The following CAMTA1 variants were observed in gnomAD, a reference collection of about 807,000 sequenced individuals.
The protein encoded by CAMTA1 is calmodulin-binding transcription activator 1.
A neutral mutation model predicts 170.9 loss-of-function variants in CAMTA1; 27 were observed. The ratio of observed to expected loss-of-function variants is 0.16; its 90% CI spans 0.12 to 0.22. The LOEUF is 0.22. Ranked by LOEUF, CAMTA1 falls within the 10% of genes least tolerant of loss-of-function variation. The pLI is 1.00. For missense variants in CAMTA1, 1,619 were observed against 2,217.2 expected (o/e 0.73, Z 5.42); for synonymous variants, 833 against 891.5 (o/e 0.93, Z 1.17).
chr1:6,890,716 G>T (rs184825313), intron 3 of CAMTA1, among the ~76,000 whole-genome samples: 2 of 152,172 alleles, frequency 1.3e-5, no homozygotes, highest in African/African-American at 4.8e-5. Flanking sequence ...GACCACAGGT[G>T]GGGGCCACCA....
intron 6 of CAMTA1, among the ~76,000 whole-genome samples, chr1:7,488,761 C>T (rs573929269): frequency 2.0e-5 from 3 of 152,254 alleles, no homozygotes; most frequent in African/African-American, 4.8e-5. Flanking sequence ...CATACATGTA[C>T]ATATGCACAT....
At chr1:6,983,472 C>T (rs1201939586) in intron 3 of CAMTA1, among the ~76,000 whole-genome samples, 1 of 152,202 alleles carries the variant, frequency 6.6e-6, no homozygotes, top group African/African-American at 2.4e-5. Context: ...ACAGGCACCC[C>T]TGTCATAATC....
At chr1:6,813,704 C>G (rs998950939) in intron 1 of CAMTA1, among the ~76,000 whole-genome samples, 1 of 152,008 alleles carries the variant, frequency 6.6e-6, no homozygotes, top group Non-Finnish European at 1.5e-5. Flanking sequence ...TCACTGCAGC[C>G]TTGAACTCCT....
intron 6 of CAMTA1, among the ~76,000 whole-genome samples, chr1:7,507,018 C>T (rs1004927455): frequency 1.3e-5 from 2 of 149,634 alleles, no homozygotes; most frequent in Non-Finnish European, 2.9e-5. Context: ...ATCTCATGCT[C>T]ACACTCAAAA....
chr1:7,000,620 A>G (rs1284140419), intron 3 of CAMTA1, among the ~76,000 whole-genome samples: 2 of 152,154 alleles, frequency 1.3e-5, no homozygotes, highest in Non-Finnish European at 2.9e-5. Context: ...TGGAAGTCCA[A>G]GGTTCTGCAT....
intron 11 of CAMTA1, among the ~76,000 whole-genome samples, chr1:7,727,882 A>G (rs2096702740): frequency 6.6e-6 from 1 of 152,240 alleles, no homozygotes; most frequent in Non-Finnish European, 1.5e-5. Context: ...AGGAAAGGAC[A>G]TGTGAGGAGA....
At chr1:7,310,700 C>CTTTCTTTCTTTCTTTCTT (rs1553129600) in intron 5 of CAMTA1, among the ~76,000 whole-genome samples, 12 of 53,486 alleles carry the variant, frequency 2.2e-4, no homozygotes, top group Admixed American at 1.8e-3. Flanking sequence ...CTCTCTCTCT[C>CTTTCTTTCTTTCTTTCTT]TCTTTCTTTC....
intron 3 of CAMTA1, among the ~76,000 whole-genome samples, chr1:6,839,304 C>T (rs1385769004): frequency 6.6e-6 from 1 of 151,968 alleles, no homozygotes; most frequent in Non-Finnish European, 1.5e-5. Context: ...ATCACTTGAA[C>T]CCGGGAGGCA....
At chr1:7,587,808 C>A (rs995887782) in intron 6 of CAMTA1, among the ~76,000 whole-genome samples, 2 of 152,060 alleles carry the variant, frequency 1.3e-5, no homozygotes, top group African/African-American at 2.4e-5. Context: ...CTGGAGGCAC[C>A]CCTTCCCCAT....
At chr1:7,486,413 C>G in intron 6 of CAMTA1, among the ~76,000 whole-genome samples, 1 of 152,218 alleles carries the variant, frequency 6.6e-6, no homozygotes, top group Non-Finnish European at 1.5e-5. Flanking sequence ...TGTATTGCCT[C>G]TGCACATCCA....
rs555141572 is a variant in CAMTA1, at chr1:7,482,991, A to T, written c.510+15090A>T. ...GTGAGCCTGGAGCCAGTGCCAGCCA[A>T]CTGGGGCCACCTCTACAGCCTGAGA... On this transcript the variant is annotated intron_variant, in intron 6 of 22. Coordinates refer to ENST00000303635, the MANE Select transcript of CAMTA1 (RefSeq NM_015215.4). This position sits in a 1 kb window ranked among gnomAD's most constrained non-coding sequence, Gnocchi z 4.2. Among the ~76,000 whole-genome samples the T allele has an allele frequency of 1.3e-5, 2 of 152,256 alleles. No individual in the cohort carries two copies. Among genetic ancestry groups the T allele is most frequent in the East Asian group, 3.9e-4 (2 of 5,162 alleles).
In CAMTA1 at chr1:7,728,875, A is replaced by C. The variant is rs552389723; in HGVS notation, c.2915-3573A>C. Among the ~76,000 whole-genome samples the C allele has an allele frequency of 1.2e-3, 178 of 152,284 alleles. 1 individual carries two copies. Among genetic ancestry groups the C allele is most frequent in the Non-Finnish European group, 2.0e-3 (137 of 68,026 alleles). Reference sequence around the variant, plus strand: ...CATCTTGTGTTTTCTGCTGGTGGTCACAGGATGAGAACGGCCGTGTGCAGG... The same window carrying C: ...CATCTTGTGTTTTCTGCTGGTGGTCCCAGGATGAGAACGGCCGTGTGCAGG... On this transcript the variant is annotated intron_variant, in intron 11 of 22. Coordinates refer to ENST00000303635, the MANE Select transcript of CAMTA1 (RefSeq NM_015215.4).
At chr1:7,747,661 C>T in intron 18 of CAMTA1, 49 bp from the exon 19 acceptor site, 1 of 1,322,568 alleles carries the variant, frequency 7.6e-7, no homozygotes, top group Non-Finnish European at 1.1e-6. Flanking sequence ...GCTGACATTT[C>T]TGGTAGTTAA....
At chr1:6,852,882 T>A (rs570979746) in intron 3 of CAMTA1, among the ~76,000 whole-genome samples, 1 of 152,308 alleles carries the variant, frequency 6.6e-6, no homozygotes, top group Admixed American at 6.5e-5. Flanking sequence ...GGGATGAAAG[T>A]CTGAATCCTC....
intron 5 of CAMTA1, among the ~76,000 whole-genome samples, chr1:7,318,427 C>CAGTG (rs1347194696): frequency 6.6e-6 from 1 of 152,136 alleles, no homozygotes; most frequent in Non-Finnish European, 1.5e-5. Context: ...AGGCGAAGGC[C>CAGTG]AGTGAGTTTC....
rs900538065 is a variant in CAMTA1 at position 7,443,872 on chromosome 1, G to A, written c.439-23958G>A. Among the ~76,000 whole-genome samples the A allele has an allele frequency of 6.6e-6, 1 of 152,166 alleles. No homozygotes were observed. The highest frequency in any genetic ancestry group is 1.5e-5 in the Non-Finnish European group (1 of 68,038). The stretch of plus-strand genomic sequence containing the variant: ...GGGTCCCAGCTGAGCAGGCCAGAGG[G>A]AGGAGGCACAGCCTCTCACCCATGC... On this transcript the variant is annotated intron_variant, in intron 5 of 22. Coordinates refer to ENST00000303635, the MANE Select transcript of CAMTA1 (RefSeq NM_015215.4). This position sits in a 1 kb window ranked among gnomAD's most constrained non-coding sequence, Gnocchi z 4.1.
At chr1:7,258,535 A>G (rs890777269) in intron 5 of CAMTA1, among the ~76,000 whole-genome samples, 2 of 152,186 alleles carry the variant, frequency 1.3e-5, no homozygotes, top group African/African-American at 4.8e-5. Flanking sequence ...GCAGGGACTG[A>G]GTGAGGTATT....
At chr1:7,187,344 G>A (rs991313045) in intron 4 of CAMTA1, among the ~76,000 whole-genome samples, 39 of 152,050 alleles carry the variant, frequency 2.6e-4, no homozygotes, top group Non-Finnish European at 4.6e-4. Context: ...GCTGTTTCTC[G>A]GAAAGAACTA....
At chr1:7,655,285 C>CAA (rs1553235781) in intron 7 of CAMTA1, among the ~76,000 whole-genome samples, 2 of 133,816 alleles carry the variant, frequency 1.5e-5, no homozygotes, top group African/African-American at 5.9e-5. Flanking sequence ...CACCGTTATA[C>CAA]ACACACACAC....
Sources: allele counts gnomAD v4.1 joint callset (sites outside exome capture counted in the v4.1 genomes callset), GRCh38; gene constraint gnomAD v4.1.1; non-coding constraint Gnocchi (gnomAD v3.1); transcripts MANE v1.5; gene names NCBI Gene and HGNC (gene_info 2026-07-23, HGNC 2026-07-21).